The following MRTFA variants were observed in gnomAD, a reference collection of about 807,000 sequenced individuals.
MRTFA encodes myocardin related transcription factor A.
A neutral mutation model predicts 83.5 loss-of-function variants in MRTFA; 20 were observed. The observed-to-expected ratio is 0.24, with a 90% CI of 0.17 to 0.35. The LOEUF (loss-of-function observed/expected upper bound fraction) is 0.35, where lower values mean the gene tolerates loss of function less well. Among genes scored for constraint, MRTFA ranks in the 10% least tolerant of loss-of-function variants. The probability of loss-of-function intolerance (pLI) is 1.00; values close to 1 mark genes in which losing one functional copy is unlikely to be tolerated. For missense variants in MRTFA, 1,200 were observed against 1,224.7 expected (o/e 0.98, Z 0.30); for synonymous variants, 659 against 541.2 (o/e 1.22, Z -3.02).
chr22:40,582,821 T>C lies in MRTFA; in HGVS notation c.-22+11853A>G, dbSNP rs554529605. Reference sequence around the variant, plus strand: ...GCTCCTTTAAGGTTACAATTAAAGTTGCCCAGAACTCAGTTCATTATGTTA... The same window carrying C: ...GCTCCTTTAAGGTTACAATTAAAGTCGCCCAGAACTCAGTTCATTATGTTA... On this transcript the variant is annotated intron_variant, in intron 2 of 14. Transcript: ENST00000355630. Among the ~76,000 whole-genome samples the C allele has an allele frequency of 1.2e-4, 19 of 152,274 alleles. No individual in the cohort carries two copies. In the South Asian group the frequency reaches 3.7e-3, roughly 30 times the overall value.
At chr22:40,463,592 T>A (rs1177967859) in intron 3 of MRTFA, among the ~76,000 whole-genome samples, 1 of 152,066 alleles carries the variant, frequency 6.6e-6, no homozygotes, top group African/African-American at 2.4e-5. Context: ...AAAACTTTTT[T>A]AAAAACACCT....
intron 1 of MRTFA, among the ~76,000 whole-genome samples, chr22:40,609,555 G>C (rs1296705936): frequency 6.6e-6 from 1 of 151,754 alleles, no homozygotes; most frequent in African/African-American, 2.4e-5. Flanking sequence ...TTTAGGCTGG[G>C]CACGGTGGTT....
intron 1 of MRTFA, among the ~76,000 whole-genome samples, chr22:40,597,085 G>A (rs2056202441): frequency 6.6e-6 from 1 of 152,110 alleles, no homozygotes; most frequent in Admixed American, 6.6e-5. Flanking sequence ...TTGTCCCCAG[G>A]TTTTCTTCTT....
intron 2 of MRTFA, among the ~76,000 whole-genome samples, chr22:40,557,041 T>C (rs1209011557): frequency 6.6e-6 from 1 of 152,180 alleles, no homozygotes; most frequent in Non-Finnish European, 1.5e-5. Context: ...AGACCTCTCA[T>C]AAGAAAATTA....
intron 3 of MRTFA, among the ~76,000 whole-genome samples, chr22:40,470,758 C>T (rs924822049): frequency 6.7e-6 from 1 of 148,382 alleles, no homozygotes; most frequent in African/African-American, 2.5e-5. Context: ...AGACCAGCCT[C>T]ACCAATATGG....
intron 12 of MRTFA, chr22:40,417,796 CCT>C (rs1242753705): frequency 4.0e-5 from 15 of 378,232 alleles, no homozygotes; most frequent in East Asian, 1.2e-4. Context: ...CTCAGGGACC[CCT>C]GTCTCCTATC....
chr22:40,476,143 CAAA>C (rs35917164), intron 3 of MRTFA, among the ~76,000 whole-genome samples: 1 of 88,054 alleles, frequency 1.1e-5, no homozygotes. Flanking sequence ...GACTCCGTCT[CAAA>C]AAAAAAAAAG....
At chr22:40,516,351 T>C (rs988493863) in intron 3 of MRTFA, among the ~76,000 whole-genome samples, 1 of 127,012 alleles carries the variant, frequency 7.9e-6, no homozygotes, top group Non-Finnish European at 1.6e-5. Flanking sequence ...ACCTGGCAGG[T>C]GGGGGTTGCA....
chr22:40,525,426 G>C (rs888215446), intron 3 of MRTFA, among the ~76,000 whole-genome samples: 3 of 151,700 alleles, frequency 2.0e-5, no homozygotes, highest in Middle Eastern at 3.2e-3. Flanking sequence ...GCTTGAGCCC[G>C]GGAGACAGAG....
chr22:40,457,147 C>T (rs950243879), intron 4 of MRTFA, among the ~76,000 whole-genome samples: 1 of 152,032 alleles, frequency 6.6e-6, no homozygotes, highest in African/African-American at 2.4e-5. Flanking sequence ...GGCAGATCAC[C>T]TGAGGTCAGG....
chr22:40,430,717 G>T (rs941359751), intron 6 of MRTFA, among the ~76,000 whole-genome samples: 2 of 151,954 alleles, frequency 1.3e-5, no homozygotes, highest in Non-Finnish European at 2.9e-5. Context: ...AATATTAGCT[G>T]GGTGTGGTGG....
At chr22:40,461,626 T>TAAAAA (rs2053714572) in intron 4 of MRTFA, among the ~76,000 whole-genome samples, 1 of 30,342 alleles carries the variant, frequency 3.3e-5, no homozygotes, top group Non-Finnish European at 6.9e-5. Context: ...CTACTAAAAA[T>TAAAAA]ACAAAAAAAA....
intron 9 of MRTFA, among the ~76,000 whole-genome samples, chr22:40,422,102 C>CACAG (rs2052852755): frequency 6.6e-6 from 1 of 151,926 alleles, no homozygotes. Flanking sequence ...AGCCTGTGAG[C>CACAG]ACAGGCTGGG....
At chr22:40,546,585 A>G (rs2055368160) in intron 3 of MRTFA, among the ~76,000 whole-genome samples, 1 of 152,266 alleles carries the variant, frequency 6.6e-6, no homozygotes, top group South Asian at 2.1e-4. Context: ...AGGTAGTGAC[A>G]GAAGCCATAA....
At chr22:40,467,653 T>C (rs893731067) in intron 3 of MRTFA, among the ~76,000 whole-genome samples, 4 of 152,060 alleles carry the variant, frequency 2.6e-5, no homozygotes, top group African/African-American at 9.7e-5. Flanking sequence ...CCGAGAAATA[T>C]CTGAAACAAA....
intron 2 of MRTFA, among the ~76,000 whole-genome samples, chr22:40,566,500 G>A (rs933201337): frequency 2.4e-4 from 36 of 151,884 alleles, no homozygotes; most frequent in African/African-American, 8.5e-4. Flanking sequence ...GATTACAGGC[G>A]TGAGCCACCA....
chr22:40,421,319 C>T (rs1602214240), intron 9 of MRTFA, among the ~76,000 whole-genome samples: 1 of 152,212 alleles, frequency 6.6e-6, no homozygotes, highest in East Asian at 1.9e-4. Flanking sequence ...GAGGGCTATG[C>T]CTGACCCCCG....
At chr22:40,565,441 G>A (rs540090718) in intron 2 of MRTFA, among the ~76,000 whole-genome samples, 40 of 152,256 alleles carry the variant, frequency 2.6e-4, no homozygotes, top group East Asian at 7.7e-4. Context: ...CAGTTACTCC[G>A]GGGGCTGAGG....
chr22:40,635,350 TA>T (rs133049), intron 1 of MRTFA, among the ~76,000 whole-genome samples: 124,169 of 152,086 alleles, frequency 0.82, 51,606 homozygotes, highest in East Asian at 0.98. Context: ...CAATAAGTCT[TA>T]ACGTTACAGG....
Sources: gnomAD v4.1 joint callset for allele counts (sites outside exome capture counted in the v4.1 genomes callset) on GRCh38, gnomAD v4.1.1 for gene constraint, MANE v1.5 for transcripts, NCBI Gene and HGNC (gene_info 2026-07-23, HGNC 2026-07-21) for gene names.